ZNF536: variants seen among roughly 807,000 people sequenced by gnomAD.
ZNF536 encodes zinc finger protein 536.
A neutral mutation model predicts 84.5 loss-of-function variants in ZNF536; 13 were observed. The observed-to-expected ratio is 0.15, with a 90% CI of 0.10 to 0.24. The LOEUF (loss-of-function observed/expected upper bound fraction) is 0.24, where lower values mean the gene tolerates loss of function less well. Among genes scored for constraint, ZNF536 ranks in the 10% least tolerant of loss-of-function variants. The probability of loss-of-function intolerance (pLI) is 1.00; values close to 1 mark genes in which losing one functional copy is unlikely to be tolerated. For synonymous variants in ZNF536, 811 were observed against 742.5 expected (o/e 1.09, Z -1.50); for missense variants, 1,536 against 1,747.5 (o/e 0.88, Z 2.16).
At chr19:30,385,175 A>G (rs2049287651) in intron 1 of ZNF536, among the ~76,000 whole-genome samples, 2 of 151,046 alleles carry the variant, frequency 1.3e-5, no homozygotes, top group Admixed American at 1.3e-4. Flanking sequence ...CATTCAGGGT[A>G]GGAAGGGCCT....
chr19:30,316,970 A>AC (rs1433775865), intron 2 of ZNF536, among the ~76,000 whole-genome samples: 1 of 152,176 alleles, frequency 6.6e-6, no homozygotes, highest in Non-Finnish European at 1.5e-5. Flanking sequence ...CACAGCTTGC[A>AC]GGACAGCAGA....
chr19:30,423,651 G>T (rs2051077810), intron 1 of ZNF536, among the ~76,000 whole-genome samples: 1 of 152,346 alleles, frequency 6.6e-6, no homozygotes, highest in East Asian at 1.9e-4. Flanking sequence ...TGGGCTTCTG[G>T]AGTGAGATAA....
chr19:30,436,570 T>A (rs1008995580), intron 1 of ZNF536: 24 of 926,646 alleles, frequency 2.6e-5, no homozygotes, highest in Admixed American at 6.2e-5. Flanking sequence ...TACAGCTGTT[T>A]AATGACCCTG....
chr19:30,352,160 C>T (rs1309787123), intron 2 of ZNF536, among the ~76,000 whole-genome samples: 1 of 152,112 alleles, frequency 6.6e-6, no homozygotes. Flanking sequence ...AATGAAAGAT[C>T]CCAGTGCTAG....
chr19:30,552,571 G>A (rs139519817), intron 4 of ZNF536, among the ~76,000 whole-genome samples: 1 of 152,206 alleles, frequency 6.6e-6, no homozygotes, highest in African/African-American at 2.4e-5. Context: ...TTCTGTGGGT[G>A]ATACTCATAT....
At chr19:30,594,691 C>T (rs760460660) in intron 1 of ZNF536, among the ~76,000 whole-genome samples, 11 of 152,032 alleles carry the variant, frequency 7.2e-5, no homozygotes, top group South Asian at 2.1e-4. Context: ...TGCTCCCCTC[C>T]CTGGCTGCAG....
chr19:30,584,442 G>A (rs1354067512), intron 1 of ZNF536, among the ~76,000 whole-genome samples: 1 of 152,230 alleles, frequency 6.6e-6, no homozygotes, highest in African/African-American at 2.4e-5. Flanking sequence ...TGGCCCTGCG[G>A]TTACGCTTTC....
At position 30,442,298 on chromosome 19, in the gene ZNF536, G is replaced by A. The variant is rs148702037; in HGVS notation, c.-2-1263G>A. ...ATCTGGCTTTAGCCATTCTGCACAG[G>A]CTGAAGAGGGGGCAGAGAGGACTAT... On this transcript the variant is annotated intron_variant, in intron 1 of 4. Coordinates refer to ENST00000355537, the MANE Select transcript of ZNF536 (RefSeq NM_014717.3). 3.4e-3 allele frequency among the ~76,000 whole-genome samples: 511 copies of A among 152,362 alleles called. 4 individuals are homozygous for A. Among genetic ancestry groups the A allele is most frequent in the African/African-American group, 0.012 (479 of 41,578 alleles).
chr19:30,640,592 G>C (rs1203435027), intron 1 of ZNF536, among the ~76,000 whole-genome samples: 1 of 152,170 alleles, frequency 6.6e-6, no homozygotes, highest in Non-Finnish European at 1.5e-5. Context: ...GATCCTCCAG[G>C]CTTCTCCCTG....
chr19:30,374,372 A>T (rs898226222), intron 1 of ZNF536, among the ~76,000 whole-genome samples: 1 of 152,160 alleles, frequency 6.6e-6, no homozygotes, highest in Non-Finnish European at 1.5e-5. Context: ...ATACTATTTA[A>T]TCACCCACAG....
chr19:30,394,841 G>A (rs1374036509), intron 1 of ZNF536, among the ~76,000 whole-genome samples: 1 of 152,192 alleles, frequency 6.6e-6, no homozygotes, highest in East Asian at 1.9e-4. Context: ...AGGCCTTGAT[G>A]AAGGATTTTA....
chr19:30,378,596 G>C (rs1460324458), intron 1 of ZNF536, among the ~76,000 whole-genome samples: 1 of 152,212 alleles, frequency 6.6e-6, no homozygotes, highest in Non-Finnish European at 1.5e-5. Flanking sequence ...GAGATAATGG[G>C]AACATCCTGG....
At chr19:30,608,491 A>C (rs1297529738) in intron 1 of ZNF536, among the ~76,000 whole-genome samples, 1 of 152,138 alleles carries the variant, frequency 6.6e-6, no homozygotes, top group Admixed American at 6.6e-5. Flanking sequence ...TTTAGCCTGG[A>C]CTGGCCAGGG....
At chr19:30,258,175 C>T (rs1385712183) in intron 1 of ZNF536, among the ~76,000 whole-genome samples, 1 of 152,166 alleles carries the variant, frequency 6.6e-6, no homozygotes, top group Non-Finnish European at 1.5e-5. Flanking sequence ...GCCATGGAGA[C>T]GTCATTGGTG....
In ZNF536 at chr19:30,434,051, G is replaced by A. The variant is rs573641175; in HGVS notation, c.-2-9510G>A. 5.7e-4 allele frequency among the ~76,000 whole-genome samples: 86 copies of A among 151,920 alleles called. 2 individuals carry two copies. The highest frequency in any genetic ancestry group is 2.0e-3 in the African/African-American group (83 of 41,338). On this transcript the variant is annotated intron_variant, in intron 1 of 4. Coordinates refer to ENST00000355537, the MANE Select transcript of ZNF536 (RefSeq NM_014717.3). ...TCTGTTAGAGCGATAAAGAAACTGA[G>A]GCTCTGGCAGGGGACCAAGGTCACA... is the stretch of plus-strand genomic sequence containing the variant.
At chr19:30,576,554 G>A (rs993004832) in intron 1 of ZNF536, among the ~76,000 whole-genome samples, 4 of 152,212 alleles carry the variant, frequency 2.6e-5, no homozygotes, top group African/African-American at 9.6e-5. Flanking sequence ...GATAGGCTGT[G>A]CTCTTCTACG....
intron 1 of ZNF536, among the ~76,000 whole-genome samples, chr19:30,433,161 A>G (rs1479827664): frequency 2.0e-5 from 3 of 152,092 alleles, no homozygotes; most frequent in African/African-American, 7.2e-5. Context: ...CATGTGGCCT[A>G]CTTCTCCTCT....
At position 30,548,978 on chromosome 19, in the gene ZNF536, G is replaced by T. The variant is rs1249204549; in HGVS notation, c.3359G>T (p.Gly1120Val). The T allele has an allele frequency of 6.2e-7, 1 of 1,613,986 alleles. No individual in the cohort carries two copies. The highest frequency in any genetic ancestry group is 1.1e-5 in the South Asian group (1 of 91,086). The change falls in exon 4 of 5, where the codon GGC becomes GTC. Residue 1120 changes from glycine (G) to valine (V), a missense_variant. By Grantham distance (109) the Gly-to-Val change is moderately radical. This residue lies in a region of ZNF536 where 624 missense variants were observed against 603.1 expected (regional missense o/e 1.03). Coordinates refer to ENST00000355537, the MANE Select transcript of ZNF536 (RefSeq NM_014717.3). ...TACAAGCAGTTTGGTGTTTACCCAG[G>T]CATGGTTGGCTCAGGGGCCTCCAGT... ...DFYKQFGVYP[G>V]MVGSGASSSC...
chr19:30,424,976 G>A (rs957930223), intron 1 of ZNF536, among the ~76,000 whole-genome samples: 3 of 152,130 alleles, frequency 2.0e-5, no homozygotes, highest in Admixed American at 1.3e-4. Flanking sequence ...AGGGGTGTGC[G>A]TGGAGCCTTC....
Sources: allele counts gnomAD v4.1 joint callset (sites outside exome capture counted in the v4.1 genomes callset), GRCh38; gene constraint gnomAD v4.1.1; regional missense constraint gnomAD v4.1.1; transcripts MANE v1.5; gene names NCBI Gene and HGNC (gene_info 2026-07-23, HGNC 2026-07-21).